Variants in WDPCP observed in about 807,000 individuals in gnomAD.
WDPCP encodes the protein WD repeat-containing and planar cell polarity effector protein fritz homolog.
A neutral mutation model predicts 93.1 loss-of-function variants in WDPCP; 71 were observed. The ratio of observed to expected loss-of-function variants is 0.76; its 90% CI spans 0.63 to 0.93. WDPCP has a LOEUF of 0.93. Ranked by LOEUF, WDPCP falls within the 40% of genes least tolerant of loss-of-function variation. The pLI is 0.00. For synonymous variants in WDPCP, 315 were observed against 315.0 expected, an observed-to-expected ratio of 1.00 and a Z score of 0.00; for missense variants, 844 against 887.4, an observed-to-expected ratio of 0.95 and a Z score of 0.62.
At chr2:63,573,139 A>G (rs903870393) in intron 1 of WDPCP, among the ~76,000 whole-genome samples, 2 of 152,130 alleles carry the variant, frequency 1.3e-5, no homozygotes, top group Non-Finnish European at 2.9e-5. Context: ...TAGCTACTCA[A>G]GAGACTGAGA....
intron 10 of WDPCP, among the ~76,000 whole-genome samples, chr2:63,395,500 C>T (rs939546185): frequency 6.6e-6 from 1 of 152,132 alleles, no homozygotes; most frequent in Non-Finnish European, 1.5e-5. Context: ...CTTTGTTTTA[C>T]AGCCATTTCA....
rs1170705190 is a variant in WDPCP, at chr2:63,120,670, G to T, written c.*1336C>A. Among the ~76,000 whole-genome samples the T allele has an allele frequency of 1.3e-5, 2 of 151,062 alleles. No homozygotes were observed. The highest frequency in any genetic ancestry group is 2.9e-5 in the Non-Finnish European group (2 of 67,838). On this transcript the variant is annotated 3_prime_UTR_variant, in exon 18 of 18. Transcript: ENST00000272321. ...GCCTCCCAAGTAGTTGGGACTACAG[G>T]TGCACGCCACCACGCCCGGCTAATT...
intron 2 of WDPCP, among the ~76,000 whole-genome samples, chr2:63,782,736 C>T (rs1238519258): frequency 7.5e-6 from 1 of 133,452 alleles, no homozygotes; most frequent in Non-Finnish European, 1.6e-5. Flanking sequence ...AGTCCACAGG[C>T]AACATGTGTG....
intron 11 of WDPCP, among the ~76,000 whole-genome samples, chr2:63,380,189 T>C (rs1338333005): frequency 6.6e-6 from 1 of 152,154 alleles, no homozygotes. Context: ...ATAAATTGTG[T>C]ATAACATAAG....
At position 63,197,942 on chromosome 2, in the gene WDPCP, G is replaced by A. The variant is rs149338181; in HGVS notation, c.1916-23110C>T. Reference sequence around the variant, plus strand: ...CTTTTGCCATGTAACGTAGCATATTGACAGGTTCTAGGGATTAGAATGTGA... The same window carrying A: ...CTTTTGCCATGTAACGTAGCATATTAACAGGTTCTAGGGATTAGAATGTGA... On this transcript the variant is annotated intron_variant, in intron 14 of 17. Transcript: ENST00000272321. Among the ~76,000 whole-genome samples, 1,490 of 152,222 alleles carry A rather than the reference G, an allele frequency of 9.8e-3. 14 individuals are homozygous for A. Among genetic ancestry groups the A allele is most frequent in the Non-Finnish European group, 0.015 (1,040 of 68,004 alleles).
intron 2 of WDPCP, among the ~76,000 whole-genome samples, chr2:63,725,828 T>C (rs1325266501): frequency 6.6e-6 from 1 of 152,240 alleles, no homozygotes; most frequent in Non-Finnish European, 1.5e-5. Flanking sequence ...CATATGCTTG[T>C]TGGCTGCGTG....
chr2:63,534,270 C>T (rs958654025), intron 1 of WDPCP, among the ~76,000 whole-genome samples: 1 of 152,192 alleles, frequency 6.6e-6, no homozygotes, highest in Non-Finnish European at 1.5e-5. Flanking sequence ...CAGCCGAATT[C>T]TACCAGAGGT....
At chr2:63,278,565 T>C (rs1056501702) in intron 13 of WDPCP, among the ~76,000 whole-genome samples, 2 of 152,312 alleles carry the variant, frequency 1.3e-5, no homozygotes, top group African/African-American at 4.8e-5. Context: ...CGGTGGCTCA[T>C]GCCTGTAATC....
intron 6 of WDPCP, among the ~76,000 whole-genome samples, chr2:63,472,214 TTC>T (rs1699733215): frequency 6.6e-6 from 1 of 151,992 alleles, no homozygotes; most frequent in African/African-American, 2.4e-5. Flanking sequence ...TTTTCTTTTT[TTC>T]TCTCTTTGAT....
intron 17 of WDPCP, among the ~76,000 whole-genome samples, chr2:63,129,095 A>G (rs1670119974): frequency 6.6e-6 from 1 of 152,258 alleles, no homozygotes; most frequent in African/African-American, 2.4e-5. Context: ...ATGCTGTAGC[A>G]GGTATCAGAA....
intron 1 of WDPCP, among the ~76,000 whole-genome samples, chr2:63,513,239 A>C (rs879725749): frequency 1.3e-5 from 2 of 152,236 alleles, no homozygotes; most frequent in Admixed American, 6.5e-5. Flanking sequence ...TTGTACAAAA[A>C]ATATAGTATG....
At chr2:63,658,782 A>ATG (rs1273361311) in intron 2 of WDPCP, among the ~76,000 whole-genome samples, 2 of 152,172 alleles carry the variant, frequency 1.3e-5, no homozygotes, top group Non-Finnish European at 2.9e-5. Context: ...AAATGCTGAC[A>ATG]TGTTCCACAA....
intron 9 of WDPCP, among the ~76,000 whole-genome samples, chr2:63,414,065 CAT>C (rs1293973671): frequency 1.3e-5 from 2 of 151,830 alleles, no homozygotes; most frequent in African/African-American, 2.4e-5. Context: ...GGCCAACAAA[CAT>C]ATGAAAAAAT....
chr2:63,619,149 C>T (rs141080757), intron 3 of WDPCP, among the ~76,000 whole-genome samples: 4 of 152,210 alleles, frequency 2.6e-5, no homozygotes, highest in Non-Finnish European at 4.4e-5. Context: ...GACCACCACT[C>T]CCTTCCTCCA....
At chr2:63,835,066 T>TA in the WDPCP span, among the ~76,000 whole-genome samples, 7 of 149,644 alleles carry the variant, frequency 4.7e-5, no homozygotes, top group South Asian at 4.2e-4. Context: ...TACTGAAATT[T>TA]AAAAAAAAAA....
At chr2:63,415,847 T>G (rs1013196418) in intron 9 of WDPCP, among the ~76,000 whole-genome samples, 9 of 152,202 alleles carry the variant, frequency 5.9e-5, no homozygotes, top group African/African-American at 2.2e-4. Context: ...TAGAGCCTGT[T>G]AACTTTGGGG....
intron 12 of WDPCP, among the ~76,000 whole-genome samples, chr2:63,338,946 T>A (rs1688649610): frequency 6.6e-6 from 1 of 152,106 alleles, no homozygotes; most frequent in African/African-American, 2.4e-5. Flanking sequence ...GGGATAACAT[T>A]GAATCTGTAA....
intron 14 of WDPCP, among the ~76,000 whole-genome samples, chr2:63,230,038 A>T (rs925998312): frequency 2.7e-5 from 4 of 149,820 alleles, no homozygotes; most frequent in Non-Finnish European, 5.9e-5. Context: ...TGCACCCCTT[A>T]ACTCATCATT....
At chr2:63,342,310 C>T (rs949510433) in intron 12 of WDPCP, among the ~76,000 whole-genome samples, 11 of 152,088 alleles carry the variant, frequency 7.2e-5, no homozygotes, top group Admixed American at 3.9e-4. Context: ...GATTGGGGAG[C>T]CCTGATTTAA....
Sources: gnomAD v4.1 joint callset for allele counts (sites outside exome capture counted in the v4.1 genomes callset) on GRCh38, gnomAD v4.1.1 for gene constraint, MANE v1.5 for transcripts, NCBI Gene and HGNC (gene_info 2026-07-23, HGNC 2026-07-21) for gene names.